Variants in TNRC6C observed in about 807,000 individuals in gnomAD.
TNRC6C encodes the protein trinucleotide repeat-containing gene 6C protein.
Under a neutral mutation model 153.7 loss-of-function variants are expected in TNRC6C, and 20 were observed. The ratio of observed to expected loss-of-function variants is 0.13; its 90% CI spans 0.09 to 0.19. The LOEUF is 0.19. Ranked by LOEUF, TNRC6C falls within the 10% of genes least tolerant of loss-of-function variation. The pLI, the probability that TNRC6C is intolerant of heterozygous loss-of-function variation, is 1.00. For missense variants in TNRC6C, 1,987 were observed against 2,172.0 expected (o/e 0.91, Z 1.69); for synonymous variants, 811 against 841.4 (o/e 0.96, Z 0.63).
At chr17:78,020,471 C>G (rs753704938) in intron 1 of TNRC6C, among the ~76,000 whole-genome samples, 4 of 152,188 alleles carry the variant, frequency 2.6e-5, no homozygotes, top group Non-Finnish European at 5.9e-5. Context: ...GTTTCTCAAT[C>G]TCTGTTTCAC....
chr17:78,066,260 C>T (rs768297293), intron 4 of TNRC6C: 2 of 151,392 alleles, frequency 1.3e-5, no homozygotes, highest in Admixed American at 1.3e-4. Context: ...GTTCACATAA[C>T]TGCAGAAGCT....
intron 16 of TNRC6C, among the ~76,000 whole-genome samples, chr17:78,094,850 G>A (rs1457113865): frequency 2.0e-5 from 3 of 152,210 alleles, no homozygotes; most frequent in African/African-American, 7.2e-5. Context: ...ATTCCTTGGG[G>A]TTACACAGCT....
At chr17:78,043,735 C>T (rs1394041195) in intron 2 of TNRC6C, among the ~76,000 whole-genome samples, 2 of 152,004 alleles carry the variant, frequency 1.3e-5, no homozygotes, top group East Asian at 1.9e-4. Flanking sequence ...CCCTCACTCT[C>T]GCACTACCCT....
chr17:78,108,512 T>C (rs1426931124), exon 20 of TNRC6C: 1 of 154,862 alleles, frequency 6.5e-6, no homozygotes, highest in Non-Finnish European at 1.5e-5. Context: ...GCCTGTGCGC[T>C]GGGAGAACAA....
chr17:77,966,815 G>A (rs1443518829), intron 1 of TNRC6C, among the ~76,000 whole-genome samples: 2 of 152,140 alleles, frequency 1.3e-5, no homozygotes, highest in African/African-American at 2.4e-5. Flanking sequence ...TCTTGACCTA[G>A]ATCTTATATA....
intron 2 of TNRC6C, among the ~76,000 whole-genome samples, chr17:78,040,822 C>G (rs2143847381): frequency 6.6e-6 from 1 of 152,190 alleles, no homozygotes; most frequent in Non-Finnish European, 1.5e-5. Context: ...CTGTAAAATC[C>G]CATCCGTCCA....
chr17:78,050,698 G>T, exon 3 of TNRC6C: 1 of 1,574,426 alleles, frequency 6.4e-7, no homozygotes, highest in Non-Finnish European at 8.6e-7. Context: ...CTCTACTGCT[G>T]TTAGTACTGC....
At chr17:78,006,147 T>C (rs1454900020) in intron 1 of TNRC6C, among the ~76,000 whole-genome samples, 1 of 152,158 alleles carries the variant, frequency 6.6e-6, no homozygotes, top group Non-Finnish European at 1.5e-5. Flanking sequence ...AATCTCCTAG[T>C]GTGAATTAAG....
In TNRC6C at chr17:78,107,802, G is replaced by C. The variant is rs1256952366; in HGVS notation, c.*2957G>C. 2.6e-5 allele frequency: 4 copies of C among 152,258 alleles called. No homozygotes were observed. In the South Asian group the frequency reaches 8.3e-4, roughly 32 times the overall value. The allele number at this position is 152,258 out of a possible 1,614,324, so 9.4% of individuals were successfully genotyped here. A position where few individuals can be genotyped will look rare whatever the true frequency, so the allele number is the denominator to read the frequency against. On this transcript the variant is annotated 3_prime_UTR_variant, in exon 20 of 20. Coordinates refer to ENST00000301624, the Ensembl canonical transcript of TNRC6C. ...CCGGGGCTTGCCTGGAGTCCTGGCA[G>C]AGGAGTGCCACTCACTTTTGCCTAG...
chr17:78,065,046 T>A (rs1818668795), intron 4 of TNRC6C, 109 bp downstream of exon 6: 2 of 1,282,630 alleles, frequency 1.6e-6, no homozygotes, highest in Non-Finnish European at 2.1e-6. Flanking sequence ...ATTTACACTT[T>A]AACTACAAAC....
chr17:78,061,970 A>G (rs2072777921), intron 3 of TNRC6C, among the ~76,000 whole-genome samples: 2 of 152,222 alleles, frequency 1.3e-5, no homozygotes, highest in Admixed American at 1.3e-4. Context: ...TCTAGAGATG[A>G]TAAACAAATT....
intron 1 of TNRC6C, among the ~76,000 whole-genome samples, chr17:77,973,222 A>T (rs2070954465): frequency 6.6e-6 from 1 of 152,244 alleles, no homozygotes. Context: ...CCATATTAAT[A>T]GATGAAGAAC....
chr17:77,963,120 A>G (rs1394346773), intron 1 of TNRC6C, among the ~76,000 whole-genome samples: 1 of 152,212 alleles, frequency 6.6e-6, no homozygotes. Flanking sequence ...CTTTAAATAG[A>G]CTTTAATGCA....
chr17:78,075,354 A>T lies in TNRC6C; in HGVS notation c.3060+76A>T. On this transcript the variant is annotated intron_variant, in intron 8 of 19. Coordinates refer to ENST00000301624, the Ensembl canonical transcript of TNRC6C. The surrounding 1 kb of genome is among the most constrained non-coding windows in gnomAD (Gnocchi z 4.2). ...TTCATTTCAACTGTGTCCTTAATAC[A>T]AGCCAGATTAAAAACTTGCTGGACT... 6.7e-7 allele frequency: 1 copy of T among 1,485,306 alleles called. No individual in the cohort carries two copies. Among genetic ancestry groups the T allele is most frequent in the Non-Finnish European group, 9.0e-7 (1 of 1,107,318 alleles). The allele number at this position is 1,485,306 out of a possible 1,614,324, so 92.0% of individuals were successfully genotyped here. A position where few individuals can be genotyped will look rare whatever the true frequency, so the allele number is the denominator to read the frequency against.
intron 5 of TNRC6C, among the ~76,000 whole-genome samples, chr17:78,069,245 G>A (rs2072943023): frequency 2.6e-5 from 4 of 152,062 alleles, no homozygotes; most frequent in Admixed American, 2.6e-4. Context: ...GTAGAAAAAG[G>A]AGCACAGAAT....
At chr17:77,960,274 G>C (rs1263952602) in intron 1 of TNRC6C, among the ~76,000 whole-genome samples, 4 of 152,198 alleles carry the variant, frequency 2.6e-5, no homozygotes, top group African/African-American at 9.7e-5. Flanking sequence ...TCCAACTTCA[G>C]CGTCTTTAAG....
intron 1 of TNRC6C, among the ~76,000 whole-genome samples, chr17:77,989,774 T>C (rs955250054): frequency 1.3e-5 from 2 of 152,218 alleles, no homozygotes; most frequent in Admixed American, 6.5e-5. Context: ...GATGTTTGAA[T>C]GAGTGAATCA....
chr17:78,070,073 C>T (rs2072962697), intron 5 of TNRC6C, among the ~76,000 whole-genome samples: 1 of 152,148 alleles, frequency 6.6e-6, no homozygotes, highest in Non-Finnish European at 1.5e-5. Context: ...TAAAAGCATT[C>T]AGTTAATAAT....
At chr17:78,105,166 G>A (rs979836747) in exon 20 of TNRC6C, 17 of 259,224 alleles carry the variant, frequency 6.6e-5, no homozygotes, top group Admixed American at 3.3e-4. Flanking sequence ...CTATCATGAA[G>A]GGCACTTTTC....
Sources: allele counts gnomAD v4.1 joint callset (sites outside exome capture counted in the v4.1 genomes callset), GRCh38; gene constraint gnomAD v4.1.1; non-coding constraint Gnocchi (gnomAD v3.1); transcripts MANE v1.5; gene names NCBI Gene and HGNC (gene_info 2026-07-23, HGNC 2026-07-21).